The following MYO16 variants were observed in gnomAD, a reference collection of about 807,000 sequenced individuals.
MYO16 encodes the protein myosin XVI.
In MYO16, 94 loss-of-function variants were observed where a neutral mutation model predicts 205.3. That is an observed-to-expected ratio of 0.46 (90% CI 0.39 to 0.54). The LOEUF (loss-of-function observed/expected upper bound fraction) is 0.54. Ranked by LOEUF, MYO16 falls within the 20% of genes least tolerant of loss-of-function variation. The pLI, the probability that MYO16 is intolerant of heterozygous loss-of-function variation, is 0.00. For synonymous variants in MYO16, 988 were observed against 954.0 expected (o/e 1.04, Z -0.66); for missense variants, 2,315 against 2,387.5 (o/e 0.97, Z 0.63).
intron 29 of MYO16, 132 bp from the exon 30 acceptor site, chr13:109,124,980 A>G: frequency 2.0e-6 from 2 of 998,176 alleles, no homozygotes; most frequent in Non-Finnish European, 2.9e-6. Context: ...TGATTTAGAT[A>G]AAGTCTTATT....
In MYO16 at chr13:108,941,098, A is replaced by C. The variant is rs191111116; in HGVS notation, c.1926-16590A>C. 6.0e-4 allele frequency among the ~76,000 whole-genome samples: 91 copies of C among 152,278 alleles called. 1 individual carries two copies. In the East Asian group the frequency reaches 0.015, roughly 26 times the overall value. The stretch of plus-strand genomic sequence containing the variant: ...CTGGAAACAAAAATGAGTGAGACAC[A>C]GGCTGGAAACAAAAACGAGTGAGAC... On this transcript the variant is annotated intron_variant, in intron 16 of 34. Coordinates refer to ENST00000457511, the MANE Select transcript of MYO16 (RefSeq NM_001198950.3).
intron 1 of MYO16, among the ~76,000 whole-genome samples, chr13:108,596,851 T>C (rs1231952046): frequency 6.6e-6 from 1 of 152,200 alleles, no homozygotes; most frequent in Non-Finnish European, 1.5e-5. Flanking sequence ...ATCACTACCA[T>C]TTGATAGAAG....
At chr13:108,968,504 T>C (rs1394476652) in intron 20 of MYO16, among the ~76,000 whole-genome samples, 1 of 152,078 alleles carries the variant, frequency 6.6e-6, no homozygotes, top group Non-Finnish European at 1.5e-5. Context: ...TGCATCCCTG[T>C]AGACCCAGCT....
chr13:108,598,176 C>T (rs1878631386), intron 1 of MYO16, among the ~76,000 whole-genome samples: 2 of 152,162 alleles, frequency 1.3e-5, no homozygotes, highest in Admixed American at 1.3e-4. Flanking sequence ...TTGAGCACTG[C>T]CATGAGCCAG....
At chr13:108,790,448 T>G (rs925878431) in intron 5 of MYO16, among the ~76,000 whole-genome samples, 4 of 152,326 alleles carry the variant, frequency 2.6e-5, no homozygotes, top group Admixed American at 2.0e-4. Flanking sequence ...ACTAAATTTC[T>G]TTCAAAATAA....
At chr13:108,637,842 T>A (rs1244430253) in intron 1 of MYO16, among the ~76,000 whole-genome samples, 2 of 152,076 alleles carry the variant, frequency 1.3e-5, no homozygotes, top group African/African-American at 4.8e-5. Context: ...ACCATTGCAC[T>A]CGAGCCTGGG....
the MYO16 span, among the ~76,000 whole-genome samples, chr13:108,505,636 T>G: frequency 6.6e-6 from 1 of 152,202 alleles, no homozygotes; most frequent in Non-Finnish European, 1.5e-5. Context: ...TTTTTTAGTC[T>G]TTTGATCATC....
At chr13:108,551,313 G>T in the MYO16 span, among the ~76,000 whole-genome samples, 1 of 152,134 alleles carries the variant, frequency 6.6e-6, no homozygotes, top group African/African-American at 2.4e-5. Flanking sequence ...CCTGTAGCTT[G>T]CTCCCTAAGT....
chr13:108,856,881 G>C (rs1263344657), intron 11 of MYO16, among the ~76,000 whole-genome samples: 1 of 152,164 alleles, frequency 6.6e-6, no homozygotes, highest in Non-Finnish European at 1.5e-5. Context: ...ACTAGAGTAA[G>C]TTTTATAAAG....
the MYO16 span, among the ~76,000 whole-genome samples, chr13:108,520,620 C>T: frequency 1.4e-5 from 2 of 145,026 alleles, no homozygotes; most frequent in African/African-American, 2.7e-5. Flanking sequence ...ATTGACAATC[C>T]GATACATTTT....
At chr13:108,842,972 T>A (rs759982419) in intron 9 of MYO16, among the ~76,000 whole-genome samples, 3 of 152,100 alleles carry the variant, frequency 2.0e-5, no homozygotes, top group Non-Finnish European at 2.9e-5. Context: ...TGGAAGACAT[T>A]AGGCCAAGTG....
chr13:108,690,034 A>C (rs2139491117), intron 2 of MYO16, among the ~76,000 whole-genome samples: 1 of 152,246 alleles, frequency 6.6e-6, no homozygotes, highest in African/African-American at 2.4e-5. Context: ...TTATTGTATA[A>C]AATTCCTCAT....
chr13:108,725,269 CATTT>C (rs1884300469), intron 3 of MYO16, among the ~76,000 whole-genome samples: 1 of 152,152 alleles, frequency 6.6e-6, no homozygotes, highest in Admixed American at 6.5e-5. Context: ...ATCTCTTCTT[CATTT>C]GTTTCCATTA....
intron 4 of MYO16, among the ~76,000 whole-genome samples, chr13:108,728,391 T>C (rs185027278): frequency 4.6e-5 from 7 of 152,114 alleles, no homozygotes; most frequent in African/African-American, 1.7e-4. Flanking sequence ...CCATTTTTTG[T>C]CACTGAGCCG....
Position 109,089,320 on chromosome 13 carries a change from T to A in MYO16, c.3336-11465T>A, listed in dbSNP as rs545852713. On this transcript the variant is annotated intron_variant, in intron 27 of 34. Coordinates refer to ENST00000457511, the MANE Select transcript of MYO16 (RefSeq NM_001198950.3). ...CCTCCACCTCCTGGGTTCCAGCGATTCTCCTGACTCAGCCTCCTGAGTAGC... is the reference window on the plus strand; with the variant it reads ...CCTCCACCTCCTGGGTTCCAGCGATACTCCTGACTCAGCCTCCTGAGTAGC... Among the ~76,000 whole-genome samples, 163 of 152,060 alleles carry A rather than the reference T, an allele frequency of 1.1e-3. 5 individuals are homozygous for A. The highest frequency in any genetic ancestry group is 2.4e-3 in the Admixed American group (36 of 15,276).
chr13:109,037,761 C>T (rs887652267), intron 23 of MYO16, among the ~76,000 whole-genome samples: 3 of 151,914 alleles, frequency 2.0e-5, no homozygotes, highest in African/African-American at 7.3e-5. Flanking sequence ...AGATGAGAAG[C>T]CTTGGAAACT....
chr13:108,874,326 A>G (rs1007739091), intron 12 of MYO16, among the ~76,000 whole-genome samples: 1 of 152,234 alleles, frequency 6.6e-6, no homozygotes, highest in Non-Finnish European at 1.5e-5. Context: ...TAAAAAATAT[A>G]TAGGACTATT....
intron 22 of MYO16, among the ~76,000 whole-genome samples, chr13:109,011,395 A>G (rs1426165432): frequency 6.6e-6 from 1 of 150,536 alleles, no homozygotes; most frequent in Admixed American, 6.6e-5. Flanking sequence ...ATTAGCTTTC[A>G]TTCCCTTTGG....
intron 4 of MYO16, among the ~76,000 whole-genome samples, chr13:108,735,329 T>G (rs1432955556): frequency 6.6e-6 from 1 of 151,200 alleles, no homozygotes; most frequent in Non-Finnish European, 1.5e-5. Flanking sequence ...TTCTCATTGT[T>G]CAATTCCCAC....
Sources: gnomAD v4.1 joint callset for allele counts (sites outside exome capture counted in the v4.1 genomes callset) on GRCh38, gnomAD v4.1.1 for gene constraint, MANE v1.5 for transcripts, NCBI Gene and HGNC (gene_info 2026-07-23, HGNC 2026-07-21) for gene names.